The following CSMD2 variants were observed in gnomAD, a reference collection of about 807,000 sequenced individuals.
CSMD2 encodes CUB and sushi domain-containing protein 2.
In CSMD2, 130 loss-of-function variants were observed where a neutral mutation model predicts 398.5. The observed-to-expected ratio is 0.33, with a 90% CI of 0.28 to 0.38. The LOEUF (loss-of-function observed/expected upper bound fraction) is 0.38, where lower values mean the gene tolerates loss of function less well. CSMD2 is among the 10% of genes least tolerant of loss of function. The pLI, the probability that CSMD2 is intolerant of heterozygous loss-of-function variation, is 1.00. For missense variants in CSMD2, 3,829 were observed against 4,764.9 expected (o/e 0.80, Z 5.78); for synonymous variants, 1,828 against 1,908.5 (o/e 0.96, Z 1.10).
chr1:33,845,555 T>A (rs1032760039), intron 6 of CSMD2, among the ~76,000 whole-genome samples: 11 of 152,252 alleles, frequency 7.2e-5, no homozygotes, highest in Admixed American at 3.3e-4. Context: ...CATTCATCTC[T>A]GCTTTTGTCT....
rs534587035 is a variant in CSMD2 at position 33,899,896 on chromosome 1, A to G, written c.920+18198T>C. 5.9e-5 allele frequency among the ~76,000 whole-genome samples: 9 copies of G among 152,336 alleles called. No homozygotes were observed. In the East Asian group the frequency reaches 1.7e-3, roughly 29 times the overall value. Reference sequence around the variant, plus strand: ...TCAGGGCTGCCTGGCCCAAGGAGACATGACAACCTCTTGCTGTGGCCTCTG... The same window carrying G: ...TCAGGGCTGCCTGGCCCAAGGAGACGTGACAACCTCTTGCTGTGGCCTCTG... On this transcript the variant is annotated intron_variant, in intron 5 of 70. Transcript: ENST00000373381.
chr1:33,553,282 A>C lies in CSMD2; in HGVS notation c.8744-2932T>G, dbSNP rs535940751. On this transcript the variant is annotated intron_variant, in intron 55 of 70. Transcript: ENST00000373381. ...TGCATCACATTTTGGTAATTCTCAC[A>C]ATATTTCAAACGTTTTCATTATTGT... 3.9e-5 allele frequency among the ~76,000 whole-genome samples: 6 copies of C among 152,294 alleles called. No homozygotes were observed. The South Asian group carries it at 1.2e-3, about 32-fold the overall frequency.
intron 13 of CSMD2, among the ~76,000 whole-genome samples, chr1:33,752,590 A>C (rs1648408302): frequency 6.6e-6 from 1 of 152,162 alleles, no homozygotes; most frequent in South Asian, 2.1e-4. Context: ...GCTAACACAG[A>C]AAATTGGTAC....
intron 13 of CSMD2, among the ~76,000 whole-genome samples, chr1:33,755,854 A>G (rs1348173): frequency 0.037 from 5,444 of 149,100 alleles, 341 homozygotes; most frequent in African/African-American, 0.13. Flanking sequence ...GTGCGGGGGG[A>G]GGGGGGTCTC....
At chr1:33,800,925 G>A (rs1341556908) in intron 10 of CSMD2, among the ~76,000 whole-genome samples, 1 of 152,192 alleles carries the variant, frequency 6.6e-6, no homozygotes, top group South Asian at 2.1e-4. Flanking sequence ...CTTGCACAGG[G>A]CCTGGCACAG....
At chr1:34,130,956 A>G (rs1663283569) in intron 1 of CSMD2, among the ~76,000 whole-genome samples, 1 of 151,990 alleles carries the variant, frequency 6.6e-6, no homozygotes, top group Non-Finnish European at 1.5e-5. Flanking sequence ...ATGGCATCTG[A>G]TTCTCCTTTA....
At chr1:33,803,987 C>T (rs751689465) in intron 10 of CSMD2, among the ~76,000 whole-genome samples, 31 of 152,332 alleles carry the variant, frequency 2.0e-4, no homozygotes, top group Non-Finnish European at 2.8e-4. Context: ...GCTAGAAAGA[C>T]GGGGTTTAAA....
intron 23 of CSMD2, among the ~76,000 whole-genome samples, chr1:33,700,251 C>A (rs1019677351): frequency 3.3e-5 from 5 of 152,206 alleles, no homozygotes. Flanking sequence ...TCGTGATCCA[C>A]CCGCCTTGGC....
rs1235095933 is a variant in CSMD2 at position 33,567,796 on chromosome 1, T to C, written c.8177A>G (p.Asp2726Gly). The change falls in exon 53 of 71, where the codon GAT becomes GGT. Residue 2726 changes from aspartate (D) to glycine (G), a missense_variant. This residue lies in a region of CSMD2 where 723 missense variants were observed against 758.6 expected (regional missense o/e 0.95). Transcript: ENST00000373381. ...LHSIFYKLLF[D>G]VLSSPSLTKA... ...GGTGAGGGATGGGGAAGAGAGTACA[T>C]CGAAGAGGAGCTTATAGAAAATGGA... The C allele has an allele frequency of 6.2e-7, 1 of 1,610,668 alleles. No homozygotes were observed. The highest frequency in any genetic ancestry group is 8.5e-7 in the Non-Finnish European group (1 of 1,178,294).
chr1:33,848,810 G>GTTTTTTT (rs35897729), intron 5 of CSMD2, among the ~76,000 whole-genome samples: 1 of 142,728 alleles, frequency 7.0e-6, no homozygotes, highest in African/African-American at 2.6e-5. Context: ...CGTATTGTGG[G>GTTTTTTT]TTTTTTTTTT....
chr1:33,566,160 G>T lies in CSMD2; in HGVS notation c.8380+1433C>A, dbSNP rs145219877. Among the ~76,000 whole-genome samples the T allele has an allele frequency of 2.0e-3, 308 of 151,644 alleles. 1 individual carries two copies. Among genetic ancestry groups the T allele is most frequent in the African/African-American group, 7.0e-3 (291 of 41,422 alleles). On this transcript the variant is annotated intron_variant, in intron 53 of 70. Transcript: ENST00000373381. ...TGTTTAAAACCATAATCCAAGAAAA[G>T]TCTTTGGAAATAAAGAAAGACCTGA...
At chr1:33,997,835 G>C (rs1558224031) in intron 3 of CSMD2, among the ~76,000 whole-genome samples, 1 of 152,168 alleles carries the variant, frequency 6.6e-6, no homozygotes, top group African/African-American at 2.4e-5. Context: ...CTTTGCTTCA[G>C]TAATGTGACT....
At chr1:33,597,437 C>T (rs1044290337) in intron 44 of CSMD2, among the ~76,000 whole-genome samples, 1 of 152,174 alleles carries the variant, frequency 6.6e-6, no homozygotes, top group African/African-American at 2.4e-5. Context: ...TTATCTCTTT[C>T]TCCTTGGAGC....
chr1:34,158,103 T>C (rs1029425828), intron 1 of CSMD2, among the ~76,000 whole-genome samples: 2 of 151,906 alleles, frequency 1.3e-5, no homozygotes, highest in African/African-American at 4.8e-5. Flanking sequence ...AGGGGAAAAA[T>C]AAATATGAGT....
chr1:33,631,318 T>C (rs1642453994), intron 32 of CSMD2, among the ~76,000 whole-genome samples: 3 of 151,934 alleles, frequency 2.0e-5, no homozygotes, highest in South Asian at 2.1e-4. Context: ...AGCTAAAATA[T>C]CAACATTGAT....
At chr1:33,619,577 G>A (rs1423151217) in intron 37 of CSMD2, among the ~76,000 whole-genome samples, 1 of 152,116 alleles carries the variant, frequency 6.6e-6, no homozygotes, top group Non-Finnish European at 1.5e-5. Flanking sequence ...TAATAATCAA[G>A]TAAACATCAT....
In CSMD2 at chr1:33,975,363, ACTGCTATAT is replaced by A. The variant is rs1645920060; in HGVS notation, c.518-39418_518-39410del. On this transcript the variant is annotated intron_variant, in intron 3 of 70. Coordinates refer to ENST00000373381, the MANE Select transcript of CSMD2 (RefSeq NM_001281956.2). The stretch of plus-strand genomic sequence containing the variant: ...TTAGAGTACAAACAGACTTTTCTTC[ACTGCTATAT>A]CCCCAGTGCCTGGAACAGTATCAGG... 2.6e-5 allele frequency among the ~76,000 whole-genome samples: 4 copies of A among 152,082 alleles called. No individual in the cohort carries two copies. In the South Asian group the frequency reaches 6.2e-4, roughly 24 times the overall value.
intron 62 of CSMD2, among the ~76,000 whole-genome samples, 188 bp downstream of exon 62, chr1:33,536,834 G>GACT (rs1352863312): frequency 6.6e-6 from 1 of 152,212 alleles, no homozygotes; most frequent in Non-Finnish European, 1.5e-5. Flanking sequence ...GGATGTTAGG[G>GACT]TCCTGCTGTC....
intron 5 of CSMD2, among the ~76,000 whole-genome samples, chr1:33,880,659 G>T (rs1570378864): frequency 6.6e-6 from 1 of 152,166 alleles, no homozygotes; most frequent in East Asian, 1.9e-4. Context: ...GAGTCCAAGA[G>T]AAACATTACT....
Sources: allele counts gnomAD v4.1 joint callset (sites outside exome capture counted in the v4.1 genomes callset), GRCh38; gene constraint gnomAD v4.1.1; regional missense constraint gnomAD v4.1.1; transcripts MANE v1.5; gene names NCBI Gene and HGNC (gene_info 2026-07-23, HGNC 2026-07-21).